C9orf152: variants seen among roughly 807,000 people sequenced by gnomAD.
The protein encoded by C9orf152 is chromosome 9 open reading frame 152.
A neutral mutation model predicts 8.5 loss-of-function variants in C9orf152; 8 were observed. That is an observed-to-expected ratio of 0.94 (90% CI 0.55 to 1.70). The LOEUF (loss-of-function observed/expected upper bound fraction) is 1.70, where lower values mean the gene tolerates loss of function less well. C9orf152 is among the 40% of genes most tolerant of loss of function. C9orf152 has a pLI of 0.00. For synonymous variants in C9orf152, 109 were observed against 113.0 expected, an observed-to-expected ratio of 0.96 and a Z score of 0.22; for missense variants, 293 against 286.2, an observed-to-expected ratio of 1.02 and a Z score of -0.17.
Position 110,200,889 on chromosome 9 carries a change from G to A in C9orf152, c.*59C>T, listed in dbSNP as rs899707400. ...ACCTCGTTGTGGCTCTGCCTCCTTGGTTCTTCTATAAGGCCATAGGTGGCC... is the reference window on the plus strand; with the variant it reads ...ACCTCGTTGTGGCTCTGCCTCCTTGATTCTTCTATAAGGCCATAGGTGGCC... On this transcript the variant is annotated 3_prime_UTR_variant, in exon 2 of 2. Transcript: ENST00000400613. 5.1e-5 allele frequency: 77 copies of A among 1,507,394 alleles called. No individual in the cohort carries two copies. Among genetic ancestry groups the A allele is most frequent in the Non-Finnish European group, 5.4e-5 (61 of 1,124,548 alleles). 93.4% of individuals were successfully genotyped at this position (1,507,394 alleles called of 1,614,324 possible).
intron 1 of C9orf152, among the ~76,000 whole-genome samples, chr9:110,201,904 C>T (rs1486895501): frequency 6.6e-6 from 1 of 152,092 alleles, no homozygotes; most frequent in Non-Finnish European, 1.5e-5. Context: ...GGGTCAAACA[C>T]TGAAGTGGAG....
intron 1 of C9orf152, among the ~76,000 whole-genome samples, chr9:110,203,011 CTTTTTTTT>C (rs557519165): frequency 1.0e-5 from 1 of 98,670 alleles, no homozygotes; most frequent in African/African-American, 4.2e-5. Context: ...GAAGAAAACA[CTTTTTTTT>C]TTTTTTTTTT....
intron 1 of C9orf152, among the ~76,000 whole-genome samples, chr9:110,204,354 A>G (rs1347857971): frequency 2.0e-5 from 3 of 152,216 alleles, no homozygotes; most frequent in Non-Finnish European, 4.4e-5. Context: ...ATGCTAAGAC[A>G]GGGTGAAGAA....
intron 1 of C9orf152, among the ~76,000 whole-genome samples, chr9:110,201,800 G>A (rs1430880873): frequency 6.6e-6 from 1 of 152,174 alleles, no homozygotes; most frequent in Admixed American, 6.5e-5. Flanking sequence ...CACACCTTCC[G>A]GGGTGTGTCC....
intron 1 of C9orf152, among the ~76,000 whole-genome samples, chr9:110,203,114 C>T (rs575521335): frequency 8.6e-5 from 13 of 150,728 alleles, no homozygotes; most frequent in South Asian, 8.4e-4. Context: ...CTCTGCATCC[C>T]GGGTTCAAGC....
In C9orf152 at chr9:110,201,196, G is replaced by T; in HGVS notation, c.472C>A (p.His158Asn). Residue 158 changes from histidine (H) to asparagine (N), a missense_variant, in exon 2 of 2, where the codon CAC becomes AAC. His to Asn is a moderately conservative substitution (Grantham distance 68). Transcript: ENST00000400613. Reference protein sequence around the residue: ...DQRLPPEGDTHLFETNQMTQQ... With the variant: ...DQRLPPEGDTNLFETNQMTQQ... ...GTCATCTGATTGGTTTCAAACAAGT[G>T]TGTGTCTCCTTCAGGAGGGAGCCTT... 1.9e-6 allele frequency: 3 copies of T among 1,614,214 alleles called. No homozygotes were observed.
At chr9:110,205,242 C>A (rs548955756) in intron 1 of C9orf152, among the ~76,000 whole-genome samples, 25 of 152,298 alleles carry the variant, frequency 1.6e-4, no homozygotes, top group African/African-American at 6.0e-4. Context: ...TATTCAAAAA[C>A]AAGTTCATCT....
intron 1 of C9orf152, among the ~76,000 whole-genome samples, chr9:110,205,534 A>G (rs574374567): frequency 6.6e-6 from 1 of 152,328 alleles, no homozygotes; most frequent in East Asian, 1.9e-4. Context: ...TAAGGCCTTG[A>G]TGAGCTTTAT....
chr9:110,201,230 T>A lies in C9orf152; in HGVS notation c.438A>T (p.Gly146=). 1 of 1,614,114 alleles carries A rather than the reference T, an allele frequency of 6.2e-7. No homozygotes were observed. Among genetic ancestry groups the A allele is most frequent in the Non-Finnish European group, 8.5e-7 (1 of 1,180,014 alleles). The change falls in exon 2 of 2, where the codon GGA becomes GGT. Residue 146 remains glycine, a synonymous_variant. Coordinates refer to ENST00000400613, the MANE Select transcript of C9orf152 (RefSeq NM_001012993.3). ...HQVHHRGKLV[G]SDQRLPPEGD... is the part of the protein sequence containing the mutation. Reference sequence around the variant, plus strand: ...CTTCAGGAGGGAGCCTTTGATCAGATCCCACAAGCTTGCCCCTATGATGTA... The same window carrying A: ...CTTCAGGAGGGAGCCTTTGATCAGAACCCACAAGCTTGCCCCTATGATGTA...
At chr9:110,201,562 G>A (rs1164566293) in intron 1 of C9orf152, 88 bp from the exon 2 acceptor site, 1 of 1,086,018 alleles carries the variant, frequency 9.2e-7, no homozygotes, top group Non-Finnish European at 1.3e-6. Flanking sequence ...CAAGCTGAAG[G>A]AAGGCCATCC....
chr9:110,204,415 G>A (rs1326297599), intron 1 of C9orf152, among the ~76,000 whole-genome samples: 1 of 152,156 alleles, frequency 6.6e-6, no homozygotes, highest in African/African-American at 2.4e-5. Flanking sequence ...GAATTTCTGA[G>A]CTTCTAAACG....
intron 1 of C9orf152, among the ~76,000 whole-genome samples, chr9:110,206,931 G>A (rs899716782): frequency 6.6e-6 from 1 of 152,222 alleles, no homozygotes; most frequent in East Asian, 1.9e-4. Flanking sequence ...GTTTGAGGCT[G>A]GATGAGCCTG....
At chr9:110,202,382 TGTGTCCTG>T (rs1837233879) in intron 1 of C9orf152, among the ~76,000 whole-genome samples, 1 of 152,144 alleles carries the variant, frequency 6.6e-6, no homozygotes, top group African/African-American at 2.4e-5. Context: ...TGCGCTCGGC[TGTGTCCTG>T]GGATTCTGAT....
At chr9:110,205,817 G>A (rs1837267937) in intron 1 of C9orf152, among the ~76,000 whole-genome samples, 1 of 152,100 alleles carries the variant, frequency 6.6e-6, no homozygotes, top group Admixed American at 6.6e-5. Context: ...ACTTTTGAAG[G>A]TCGAGGTGGG....
In C9orf152 at chr9:110,207,477, G is replaced by A. The variant is rs747645635; in HGVS notation, c.103C>T (p.Pro35Ser). 2 of 1,613,444 alleles carry A rather than the reference G, an allele frequency of 1.2e-6. No homozygotes were observed. The highest frequency in any genetic ancestry group is 3.3e-5 in the Admixed American group (2 of 59,934). ...GSRTQAPGKG[P>S]PLSIQFLRAQ... Reference sequence around the variant, plus strand: ...CGCAGGAACTGGATGCTGAGTGGGGGCCCTTTCCCAGGGGCCTGAGTCCTG... The same window carrying A: ...CGCAGGAACTGGATGCTGAGTGGGGACCCTTTCCCAGGGGCCTGAGTCCTG... Residue 35 changes from proline to serine, a missense_variant, in exon 1 of 2, where the codon CCC (proline) becomes TCC (serine). Physicochemically the swap from Pro to Ser is moderately conservative, Grantham distance 74. Transcript: ENST00000400613.
chr9:110,200,691 G>C lies in C9orf152; in HGVS notation c.*257C>G, dbSNP rs534233103. On this transcript the variant is annotated 3_prime_UTR_variant, in exon 2 of 2. Coordinates refer to ENST00000400613, the MANE Select transcript of C9orf152 (RefSeq NM_001012993.3). Reference sequence around the variant, plus strand: ...AGGAATGGATATCCAGGACCTCATAGTAATGTCAGAATGGGGCTGCACTGA... The same window carrying C: ...AGGAATGGATATCCAGGACCTCATACTAATGTCAGAATGGGGCTGCACTGA... 1.0e-5 allele frequency: 4 copies of C among 384,096 alleles called. No individual in the cohort carries two copies. The highest frequency in any genetic ancestry group is 8.3e-5 in the African/African-American group (4 of 48,262). 23.8% of individuals were successfully genotyped at this position (384,096 alleles called of 1,614,324 possible).
chr9:110,201,539 G>A (rs1837222108), intron 1 of C9orf152, 65 bp from the exon 2 acceptor site: 1 of 1,360,358 alleles, frequency 7.4e-7, no homozygotes, highest in Non-Finnish European at 9.8e-7. Context: ...CACTTAGGGG[G>A]TCTCATTGCT....
chr9:110,203,267 C>T (rs1415187264), intron 1 of C9orf152, among the ~76,000 whole-genome samples: 1 of 152,110 alleles, frequency 6.6e-6, no homozygotes, highest in Non-Finnish European at 1.5e-5. Flanking sequence ...TTGTGATCCG[C>T]CCGCCTCGGC....
rs753779115 is a variant in C9orf152, at chr9:110,201,391, C to T, written c.277G>A (p.Glu93Lys). Residue 93 changes from glutamate to lysine, a missense_variant, in exon 2 of 2, where the codon GAG becomes AAG. By Grantham distance (56) the Glu-to-Lys change is moderately conservative. Coordinates refer to ENST00000400613, the MANE Select transcript of C9orf152 (RefSeq NM_001012993.3). The stretch of plus-strand genomic sequence containing the variant: ...CTCCCCTCCACCTCAGAATCTGCCT[C>T]TTCCAGGGACAGTGAGCTTCTTCTC... ...KERRSSLSLE[E>K]ADSEVEGRLE... 1.3e-6 allele frequency: 2 copies of T among 1,583,302 alleles called. No homozygotes were observed. Among genetic ancestry groups the T allele is most frequent in the South Asian group, 2.4e-5 (2 of 85,090 alleles).
Sources: gnomAD v4.1 joint callset for allele counts (sites outside exome capture counted in the v4.1 genomes callset) on GRCh38, gnomAD v4.1.1 for gene constraint, MANE v1.5 for transcripts, NCBI Gene and HGNC (gene_info 2026-07-23, HGNC 2026-07-21) for gene names.